Variants in USP33 observed in about 807,000 individuals in gnomAD.
The protein encoded by USP33 is ubiquitin specific peptidase 33.
Under a neutral mutation model 124.2 loss-of-function variants are expected in USP33, and 46 were observed. The ratio of observed to expected loss-of-function variants is 0.37; its 90% CI spans 0.29 to 0.47. USP33 has a LOEUF of 0.47. USP33 is among the 20% of genes least tolerant of loss of function. The pLI is 0.99. For missense variants in USP33, 851 were observed against 1,070.6 expected (o/e 0.79, Z 2.86); for synonymous variants, 350 against 352.3 (o/e 0.99, Z 0.07).
chr1:77,705,608 C>T (rs1243895232), intron 21 of USP33, among the ~76,000 whole-genome samples: 4 of 151,978 alleles, frequency 2.6e-5, no homozygotes, highest in African/African-American at 9.7e-5. Context: ...ATCCCCTATT[C>T]TCAGCCTCCC....
intron 1 of USP33, among the ~76,000 whole-genome samples, chr1:77,749,015 G>C (rs937897216): frequency 3.3e-5 from 5 of 152,062 alleles, no homozygotes; most frequent in Middle Eastern, 3.4e-3. Flanking sequence ...ATGGGGATTG[G>C]GCAATTAACA....
Position 77,721,943 on chromosome 1 carries a change from G to T in USP33, c.1563-18C>A. The T allele has an allele frequency of 6.3e-7, 1 of 1,597,612 alleles. No individual in the cohort carries two copies. Among genetic ancestry groups the T allele is most frequent in the South Asian group, 1.1e-5 (1 of 87,680 alleles). ...CAACAAACCTGAAACATCATTGATA[G>T]AAAAAAAAGGAAGTGTTCTGCCAGT... is the stretch of plus-strand genomic sequence containing the variant. On this transcript the variant is annotated intron_variant, in intron 13 of 23. Transcript: ENST00000370794.
rs755969938 is a variant in USP33, at chr1:77,718,638, C to T, written c.1695G>A (p.Leu565=). 3 of 1,607,328 alleles carry T rather than the reference C, an allele frequency of 1.9e-6. No individual in the cohort carries two copies. The highest frequency in any genetic ancestry group is 1.7e-6 in the Non-Finnish European group (2 of 1,175,920). ...NMYSCEKCKK[L]RNGVKFCKVQ... The stretch of plus-strand genomic sequence containing the variant: ...CTTTACAAAACTTCACTCCATTTCT[C>T]AACCTAAGGGGAGAAAAGAGAAAAT... Residue 565 remains leucine (L), a synonymous_variant, in exon 16 of 24, where the codon TTG becomes TTA. Coordinates refer to ENST00000370794, the MANE Select transcript of USP33 (RefSeq NM_201624.3).
intron 22 of USP33, among the ~76,000 whole-genome samples, chr1:77,700,875 A>G (rs969676400): frequency 2.0e-5 from 3 of 151,872 alleles, no homozygotes; most frequent in African/African-American, 7.3e-5. Context: ...TAATTTTTGT[A>G]TTTTTAGTAG....
At chr1:77,750,559 T>C (rs1680201451) in intron 1 of USP33, among the ~76,000 whole-genome samples, 1 of 148,932 alleles carries the variant, frequency 6.7e-6, no homozygotes, top group Admixed American at 6.8e-5. Context: ...GAGGCAAAGG[T>C]TGCAGTGAGC....
rs542792105 is a variant in USP33, at chr1:77,696,302, A to G, written c.*1015T>C. 6.5e-6 allele frequency: 1 copy of G among 152,784 alleles called. No homozygotes were observed. The highest frequency in any genetic ancestry group is 2.4e-5 in the African/African-American group (1 of 41,578). 9.5% of individuals were successfully genotyped at this position (152,784 alleles called of 1,614,324 possible). A position where few individuals can be genotyped will look rare whatever the true frequency, so the allele number is the denominator to read the frequency against. On this transcript the variant is annotated 3_prime_UTR_variant, in exon 24 of 24. Transcript: ENST00000370794. ...GCTCTCAAAATAAAAAGTGCCCTAA[A>G]ACTAACTCTAAGTTTTTTAGTCACT...
intron 1 of USP33, among the ~76,000 whole-genome samples, chr1:77,742,984 C>G (rs1679303877): frequency 6.6e-6 from 1 of 151,448 alleles, no homozygotes; most frequent in African/African-American, 2.4e-5. Context: ...CTCTTGCTGC[C>G]CAGGCTGGAG....
chr1:77,715,440 C>T (rs1675768384), intron 18 of USP33, among the ~76,000 whole-genome samples: 1 of 152,150 alleles, frequency 6.6e-6, no homozygotes. Context: ...CTCCTGACCT[C>T]GTGATCCACC....
chr1:77,700,409 A>G (rs1673872208), intron 22 of USP33, among the ~76,000 whole-genome samples: 2 of 152,158 alleles, frequency 1.3e-5, no homozygotes, highest in African/African-American at 4.8e-5. Flanking sequence ...GTTCCTGGGC[A>G]ACACTGTGAG....
At chr1:77,757,862 T>G (rs1412464558) in intron 1 of USP33, among the ~76,000 whole-genome samples, 1 of 152,212 alleles carries the variant, frequency 6.6e-6, no homozygotes, top group Non-Finnish European at 1.5e-5. Flanking sequence ...AGGACTGGCA[T>G]GAGGATCAAG....
rs1454163160 is a variant in USP33 at position 77,697,442 on chromosome 1, A to G, written c.2611T>C (p.Trp871Arg). The change falls in exon 24 of 24, where the codon TGG becomes CGG. Residue 871 changes from tryptophan to arginine, a missense_variant. By Grantham distance (101) the Trp-to-Arg change is moderately radical. This residue lies in a region of USP33 where 142 missense variants were observed against 141.8 expected (regional missense o/e 1.00). Transcript: ENST00000370794. ...ADSGQISEET[W>R]NFLQSIYGGG... is the part of the protein sequence containing the mutation. ...CCATAAATAGACTGCAGAAAATTCC[A>G]TGTTTCTTCAGAAATCTGGCCAGAA... The G allele has an allele frequency of 7.5e-6, 12 of 1,605,610 alleles. No individual in the cohort carries two copies. Among genetic ancestry groups the G allele is most frequent in the Non-Finnish European group, 9.3e-6 (11 of 1,178,104 alleles).
intron 15 of USP33, among the ~76,000 whole-genome samples, chr1:77,720,928 C>A (rs933085834): frequency 2.6e-5 from 4 of 152,092 alleles, no homozygotes; most frequent in Admixed American, 6.5e-5. Context: ...ACGTTTTATG[C>A]AAAATCACAT....
At chr1:77,724,779 C>T (rs745561123) in intron 11 of USP33, among the ~76,000 whole-genome samples, 3 of 151,968 alleles carry the variant, frequency 2.0e-5, no homozygotes, top group Non-Finnish European at 2.9e-5. Context: ...GATATTAGGC[C>T]GGGCATGGTG....
chr1:77,731,923 C>T (rs1040411386), intron 7 of USP33, among the ~76,000 whole-genome samples: 7 of 151,742 alleles, frequency 4.6e-5, no homozygotes, highest in Non-Finnish European at 7.4e-5. Flanking sequence ...GGCAACATAG[C>T]GAAAACCCAT....
chr1:77,755,660 T>G (rs1402943418), intron 1 of USP33, among the ~76,000 whole-genome samples: 1 of 152,242 alleles, frequency 6.6e-6, no homozygotes, highest in Non-Finnish European at 1.5e-5. Flanking sequence ...ATCGCACCAC[T>G]GCACGCCAGG....
rs867108829 is a variant in USP33 at position 77,714,979 on chromosome 1, C to T, written c.2046-196G>A. On this transcript the variant is annotated intron_variant, in intron 18 of 23. Transcript: ENST00000370794. The stretch of plus-strand genomic sequence containing the variant: ...TAGGGATGAAACTGTATCTTACCTA[C>T]AGGTATCCACATAACTACTGGAACA... 5.0e-5 allele frequency: 26 copies of T among 523,244 alleles called. No individual in the cohort carries two copies. The Admixed American group carries it at 5.4e-4, about 11-fold the overall frequency. The allele number at this position is 523,244 out of a possible 1,614,324, so 32.4% of individuals were successfully genotyped here. A position where few individuals can be genotyped will look rare whatever the true frequency, so the allele number is the denominator to read the frequency against.
chr1:77,703,724 C>T (rs1674296735), intron 21 of USP33, among the ~76,000 whole-genome samples: 2 of 152,148 alleles, frequency 1.3e-5, no homozygotes, highest in East Asian at 1.9e-4. Flanking sequence ...TTCCATTGTA[C>T]CCATCACCTT....
At chr1:77,744,122 CAAA>C (rs36110822) in intron 1 of USP33, among the ~76,000 whole-genome samples, 5 of 116,452 alleles carry the variant, frequency 4.3e-5, no homozygotes, top group Non-Finnish European at 5.8e-5. Flanking sequence ...GACTCTGTCT[CAAA>C]AAAAAAAAAA....
At position 77,697,157 on chromosome 1, in the gene USP33, T is replaced by C. The variant is rs946600241; in HGVS notation, c.*160A>G. 44 of 653,622 alleles carry C rather than the reference T, an allele frequency of 6.7e-5. No homozygotes were observed. Among genetic ancestry groups the C allele is most frequent in the Non-Finnish European group, 9.7e-5 (39 of 400,310 alleles). The allele number at this position is 653,622 out of a possible 1,614,324, so 40.5% of individuals were successfully genotyped here. A position where few individuals can be genotyped will look rare whatever the true frequency, so the allele number is the denominator to read the frequency against. On this transcript the variant is annotated 3_prime_UTR_variant, in exon 24 of 24. Coordinates refer to ENST00000370794, the MANE Select transcript of USP33 (RefSeq NM_201624.3). ...TACCAACCTGTGGTATATTACACAT[T>C]TTAATATATTCTTCCATAATGCCCA...
Sources: gnomAD v4.1 joint callset for allele counts (sites outside exome capture counted in the v4.1 genomes callset) on GRCh38, gnomAD v4.1.1 for gene constraint, gnomAD v4.1.1 regional missense constraint, MANE v1.5 for transcripts, NCBI Gene and HGNC (gene_info 2026-07-23, HGNC 2026-07-21) for gene names.